The following SPTLC3 variants were observed in gnomAD, a reference collection of about 807,000 sequenced individuals.
SPTLC3 encodes serine palmitoyltransferase 3.
SPTLC3 carries 36 observed loss-of-function variants against 59.3 expected under a neutral mutation model. The observed-to-expected ratio is 0.61, with a 90% CI of 0.47 to 0.80. The LOEUF is 0.80. Ranked by LOEUF, SPTLC3 falls within the 30% of genes least tolerant of loss-of-function variation. The pLI is 0.00. For missense variants in SPTLC3, 625 were observed against 685.1 expected (o/e 0.91, Z 0.98); for synonymous variants, 257 against 240.8 (o/e 1.07, Z -0.62).
At chr20:13,011,727 T>C (rs1201870915) in intron 1 of SPTLC3, among the ~76,000 whole-genome samples, 2 of 148,390 alleles carry the variant, frequency 1.3e-5, no homozygotes, top group African/African-American at 4.8e-5. Context: ...AGCCTGACTA[T>C]TTTTCCTGTT....
intron 9 of SPTLC3, among the ~76,000 whole-genome samples, chr20:13,128,472 G>A (rs1382378664): frequency 6.6e-6 from 1 of 152,150 alleles, no homozygotes; most frequent in Non-Finnish European, 1.5e-5. Context: ...TTCACCTTAA[G>A]GGTTCATCAT....
chr20:13,093,837 A>T (rs1287116300), intron 6 of SPTLC3, among the ~76,000 whole-genome samples: 1 of 152,200 alleles, frequency 6.6e-6, no homozygotes, highest in Non-Finnish European at 1.5e-5. Flanking sequence ...CTCTAAATAC[A>T]TGATTGATCT....
At chr20:13,056,015 A>T (rs181749128) in intron 2 of SPTLC3, among the ~76,000 whole-genome samples, 1 of 152,286 alleles carries the variant, frequency 6.6e-6, no homozygotes, top group Non-Finnish European at 1.5e-5. Flanking sequence ...AGATCCCTTC[A>T]GACCCAGGCA....
rs756059254 is a variant in SPTLC3 at position 13,154,017 on chromosome 20, C to G, written c.1294C>G (p.Gln432Glu). The change falls in exon 10 of 12, where the codon CAG becomes GAG. Residue 432 changes from glutamine to glutamate, a missense_variant. Physicochemically the swap from Gln to Glu is conservative, Grantham distance 29. Transcript: ENST00000399002. ...TCTCTTTTCAGGGCTGCAGAGAGTA[C>G]AGCAACTTGCGAAAAACACAAGATA... ...DGTTQGLQRV[Q>E]QLAKNTRYFR... is the part of the protein sequence containing the mutation. The G allele has an allele frequency of 6.2e-7, 1 of 1,614,034 alleles. No individual in the cohort carries two copies. Among genetic ancestry groups the G allele is most frequent in the South Asian group, 1.1e-5 (1 of 91,064 alleles).
chr20:13,099,302 A>C (rs949139260), intron 6 of SPTLC3, among the ~76,000 whole-genome samples: 3 of 152,210 alleles, frequency 2.0e-5, no homozygotes, highest in African/African-American at 7.2e-5. Context: ...GAAGCCGGAA[A>C]AACCAAGGAC....
At chr20:13,138,708 T>C (rs955838468) in intron 9 of SPTLC3, among the ~76,000 whole-genome samples, 2 of 152,200 alleles carry the variant, frequency 1.3e-5, no homozygotes, top group Non-Finnish European at 2.9e-5. Flanking sequence ...ACTTCATGGA[T>C]GGGTGCATGC....
chr20:13,069,522 T>C (rs1988360382), intron 2 of SPTLC3, among the ~76,000 whole-genome samples: 1 of 152,144 alleles, frequency 6.6e-6, no homozygotes, highest in African/African-American at 2.4e-5. Context: ...GCATGCGCAG[T>C]TCACAATAGG....
intron 4 of SPTLC3, among the ~76,000 whole-genome samples, chr20:13,090,674 T>C (rs572311347): frequency 6.6e-6 from 1 of 152,344 alleles, no homozygotes; most frequent in Non-Finnish European, 1.5e-5. Context: ...ACCATCCTCA[T>C]GCTCCTAACA....
intron 8 of SPTLC3, 58 bp from the exon 9 acceptor site, chr20:13,126,533 C>T (rs1600332629): frequency 1.3e-6 from 2 of 1,594,800 alleles, no homozygotes; most frequent in Admixed American, 1.7e-5. Flanking sequence ...GATGTAATTC[C>T]CACCACCAGT....
At chr20:13,130,649 C>T (rs1424337352) in intron 9 of SPTLC3, among the ~76,000 whole-genome samples, 3 of 152,196 alleles carry the variant, frequency 2.0e-5, no homozygotes, top group Non-Finnish European at 2.9e-5. Context: ...GGCTGCAGGC[C>T]GTGCATGCAT....
chr20:13,150,259 C>T (rs897015574), intron 9 of SPTLC3, among the ~76,000 whole-genome samples: 1 of 152,098 alleles, frequency 6.6e-6, no homozygotes, highest in African/African-American at 2.4e-5. Flanking sequence ...ATTTCTAGTT[C>T]TGCACTTCCA....
intron 1 of SPTLC3, among the ~76,000 whole-genome samples, chr20:13,023,931 G>A (rs1012733087): frequency 5.3e-5 from 8 of 152,202 alleles, no homozygotes; most frequent in Non-Finnish European, 7.4e-5. Context: ...AGGTGTGTAG[G>A]GCTGTCATCA....
chr20:13,062,018 C>T (rs992188884), intron 2 of SPTLC3, among the ~76,000 whole-genome samples: 1 of 152,164 alleles, frequency 6.6e-6, no homozygotes, highest in African/African-American at 2.4e-5. Flanking sequence ...AGCACTGCTT[C>T]AGACACTAGG....
chr20:13,026,432 G>A lies in SPTLC3; in HGVS notation c.117+17048G>A, dbSNP rs117870831. On this transcript the variant is annotated intron_variant, in intron 1 of 11. Coordinates refer to ENST00000399002, the MANE Select transcript of SPTLC3 (RefSeq NM_018327.4). ...TAGTAATACCCGTACTGACTGGTGT[G>A]AGATGGTATGTCATTGTGGTTTTGA... Among the ~76,000 whole-genome samples, 1,157 of 152,266 alleles carry A rather than the reference G, an allele frequency of 7.6e-3. 4 individuals carry two copies. The highest frequency in any genetic ancestry group is 0.013 in the Non-Finnish European group (876 of 68,028).
intron 2 of SPTLC3, among the ~76,000 whole-genome samples, chr20:13,056,741 CTT>C (rs34096106): frequency 1.1e-3 from 142 of 129,088 alleles, no homozygotes; most frequent in Non-Finnish European, 9.1e-4. Flanking sequence ...CATCCTTAAT[CTT>C]TTTTTTTTTT....
intron 6 of SPTLC3, among the ~76,000 whole-genome samples, chr20:13,107,732 G>T (rs1989982520): frequency 6.6e-6 from 1 of 150,744 alleles, no homozygotes. Flanking sequence ...CACCTAAAGA[G>T]TTAGTTTCTG....
intron 4 of SPTLC3, among the ~76,000 whole-genome samples, chr20:13,088,585 A>C (rs1166532657): frequency 6.7e-6 from 1 of 150,264 alleles, no homozygotes; most frequent in African/African-American, 2.5e-5. Context: ...GGCCTCCCAA[A>C]GTGCTGGGAT....
chr20:13,116,108 T>C (rs1008164872), intron 7 of SPTLC3, among the ~76,000 whole-genome samples: 1 of 152,218 alleles, frequency 6.6e-6, no homozygotes, highest in African/African-American at 2.4e-5. Flanking sequence ...ACACAAATGC[T>C]GCACCCAGTG....
At chr20:13,048,726 GT>G (rs1007335991) in intron 1 of SPTLC3, among the ~76,000 whole-genome samples, 3 of 152,170 alleles carry the variant, frequency 2.0e-5, no homozygotes, top group African/African-American at 7.2e-5. Context: ...AATGGTTTGA[GT>G]TTCTGTTGAG....
Sources: allele counts gnomAD v4.1 joint callset (sites outside exome capture counted in the v4.1 genomes callset), GRCh38; gene constraint gnomAD v4.1.1; transcripts MANE v1.5; gene names NCBI Gene and HGNC (gene_info 2026-07-23, HGNC 2026-07-21).